The following TNN variants were observed in gnomAD, a reference collection of about 807,000 sequenced individuals.
TNN encodes the protein tenascin-N.
Under a neutral mutation model 134.4 loss-of-function variants are expected in TNN, and 122 were observed. That is an observed-to-expected ratio of 0.91 (90% confidence interval 0.78 to 1.06). The LOEUF is 1.06. TNN is among the 50% of genes least tolerant of loss of function. The pLI, the probability that TNN is intolerant of heterozygous loss-of-function variation, is 0.00. For synonymous variants in TNN, 710 were observed against 670.3 expected, an observed-to-expected ratio of 1.06 and a Z score of -0.91; for missense variants, 1,739 against 1,699.4, an observed-to-expected ratio of 1.02 and a Z score of -0.41.
At chr1:175,081,417 T>G (rs1256299835) in intron 4 of TNN, among the ~76,000 whole-genome samples, 2 of 152,230 alleles carry the variant, frequency 1.3e-5, no homozygotes, top group East Asian at 3.9e-4. Flanking sequence ...TGTCAGGCAC[T>G]GTTCTCGGTG....
At chr1:175,130,559 C>T (rs1675651645) in intron 15 of TNN, among the ~76,000 whole-genome samples, 1 of 152,160 alleles carries the variant, frequency 6.6e-6, no homozygotes, top group African/African-American at 2.4e-5. Context: ...TGACTTTTGG[C>T]AGGACGTTTG....
Position 175,098,549 on chromosome 1 carries a change from G to C in TNN, c.2073G>C (p.Gln691His), listed in dbSNP as rs989120933. 31 of 1,614,074 alleles carry C rather than the reference G, an allele frequency of 1.9e-5. No individual in the cohort carries two copies. The highest frequency in any genetic ancestry group is 2.5e-5 in the Non-Finnish European group (29 of 1,180,044). The change falls in exon 9 of 19, where the codon CAG (glutamine) becomes CAC (histidine). Residue 691 changes from glutamine to histidine, a missense_variant. Transcript: ENST00000239462. The part of the protein sequence containing the change: ...GMEYMVHVWA[Q>H]KGDQESKKAD... ...AGTACATGGTGCACGTGTGGGCCCA[G>C]AAGGGGGACCAGGAGAGCAAGAAGG...
chr1:175,123,649 C>A lies in TNN; in HGVS notation c.2900C>A (p.Thr967Asn). The change falls in exon 12 of 19, where the codon ACC becomes AAC. Residue 967 changes from threonine to asparagine, a missense_variant. Physicochemically the swap from Thr to Asn is moderately conservative, Grantham distance 65. Transcript: ENST00000239462. The stretch of plus-strand genomic sequence containing the variant: ...GCCCAGGAGAGCAAGAAGGCTGACA[C>A]CAAGGCCCAGACAGGTACTGAGAGG... ...KGAQESKKAD[T>N]KAQTELDPPR... 6.2e-7 allele frequency: 1 copy of A among 1,614,206 alleles called. No homozygotes were observed. Among genetic ancestry groups the A allele is most frequent in the Non-Finnish European group, 8.5e-7 (1 of 1,180,042 alleles).
intron 11 of TNN, among the ~76,000 whole-genome samples, chr1:175,122,207 T>A (rs1209110208): frequency 1.6e-5 from 2 of 126,630 alleles, no homozygotes; most frequent in Non-Finnish European, 3.3e-5. Flanking sequence ...CCTGGTGAAA[T>A]CCTGTCTTTA....
At chr1:175,129,740 T>C (rs1017360673) in intron 15 of TNN, among the ~76,000 whole-genome samples, 9 of 152,060 alleles carry the variant, frequency 5.9e-5, no homozygotes, top group Middle Eastern at 3.4e-3. Flanking sequence ...ATTTCAAAAC[T>C]CCAGCCTCCT....
At chr1:175,120,136 G>A (rs537763286) in intron 11 of TNN, among the ~76,000 whole-genome samples, 1 of 152,324 alleles carries the variant, frequency 6.6e-6, no homozygotes, top group African/African-American at 2.4e-5. Flanking sequence ...TGGGTGGCTG[G>A]AGCCCTGTTT....
At chr1:175,095,869 C>G (rs530805460) in intron 7 of TNN, among the ~76,000 whole-genome samples, 23 of 152,366 alleles carry the variant, frequency 1.5e-4, no homozygotes, top group Non-Finnish European at 2.6e-4. Flanking sequence ...GCCACCACGC[C>G]CGGCCCATTT....
chr1:175,093,260 C>T (rs1674494397), intron 6 of TNN, among the ~76,000 whole-genome samples: 1 of 152,168 alleles, frequency 6.6e-6, no homozygotes, highest in South Asian at 2.1e-4. Flanking sequence ...TTAGCAGGGA[C>T]ATGTGTCAAA....
intron 12 of TNN, among the ~76,000 whole-genome samples, chr1:175,126,685 G>T (rs908478910): frequency 6.6e-6 from 1 of 152,040 alleles, no homozygotes; most frequent in African/African-American, 2.4e-5. Flanking sequence ...CCACCACTTT[G>T]TGGGAACCTG....
intron 1 of TNN, among the ~76,000 whole-genome samples, chr1:175,076,770 A>G (rs1674049715): frequency 6.6e-6 from 1 of 152,146 alleles, no homozygotes; most frequent in South Asian, 2.1e-4. Context: ...GGGGATGAGC[A>G]TGGACTCTGG....
At chr1:175,139,810 G>A (rs1425927643) in intron 17 of TNN, among the ~76,000 whole-genome samples, 1 of 152,210 alleles carries the variant, frequency 6.6e-6, no homozygotes, top group Non-Finnish European at 1.5e-5. Flanking sequence ...TGATGCATTG[G>A]TCTGCAACCT....
chr1:175,129,204 G>A (rs1039494708), intron 15 of TNN, among the ~76,000 whole-genome samples: 7 of 152,138 alleles, frequency 4.6e-5, no homozygotes, highest in Non-Finnish European at 5.9e-5. Flanking sequence ...TATATTTTGC[G>A]AGAATCAATA....
At chr1:175,079,777 AC>A in intron 3 of TNN, 70 bp downstream of exon 3, 1 of 1,491,156 alleles carries the variant, frequency 6.7e-7, no homozygotes, top group South Asian at 1.4e-5. Flanking sequence ...CCTCAATTAC[AC>A]GTTGTCATCT....
chr1:175,146,865 C>A, intron 18 of TNN, 66 bp from the exon 19 acceptor site: 1 of 1,415,986 alleles, frequency 7.1e-7, no homozygotes, highest in Non-Finnish European at 9.4e-7. Context: ...TCCTTTGTAC[C>A]ATAACCCACC....
Position 175,085,780 on chromosome 1 carries a change from A to G in TNN, c.1324+286A>G, listed in dbSNP as rs575432244. Among the ~76,000 whole-genome samples, 60 of 151,614 alleles carry G rather than the reference A, an allele frequency of 4.0e-4. 1 individual carries two copies. Among genetic ancestry groups the G allele is most frequent in the Non-Finnish European group, 5.9e-4 (40 of 67,954 alleles). On this transcript the variant is annotated intron_variant, in intron 6 of 18. Transcript: ENST00000239462. The stretch of plus-strand genomic sequence containing the variant: ...TCCCAGCTACTCGGGAGACTGAGGC[A>G]AGAGAATTGCTTGAGCCCGGGAGGT...
rs143232303 is a variant in TNN, at chr1:175,125,795, C to CTCCT, written c.2915-1148_2915-1145dup. ...TCCCTTTCTCTCTTCTTTTCTCTCT[C>CTCCT]TCCTTCCTTCCTTCCCTCCCTCCCT... On this transcript the variant is annotated intron_variant, in intron 12 of 18. Coordinates refer to ENST00000239462, the MANE Select transcript of TNN (RefSeq NM_022093.2). 2.5e-4 allele frequency among the ~76,000 whole-genome samples: 30 copies of CTCCT among 118,060 alleles called. 2 individuals carry two copies. Among genetic ancestry groups the CTCCT allele is most frequent in the African/African-American group, 8.9e-4 (29 of 32,480 alleles). The allele number at this position is 118,060 out of a possible 152,430, so 77.5% of individuals were successfully genotyped here.
At position 175,123,559 on chromosome 1, in the gene TNN, G is replaced by C; in HGVS notation, c.2810G>C (p.Ser937Thr). ...GTTCCGGTGGGGAAGGAGCACAGCA[G>C]CACTGTCCTGACGGGCCTGAGACCA... ...REVPVGKEHS[S>T]TVLTGLRPGM... The change falls in exon 12 of 19, where the codon AGC (serine) becomes ACC (threonine). Residue 937 changes from serine (S) to threonine (T), a missense_variant. Ser to Thr is a moderately conservative substitution (Grantham distance 58, BLOSUM62 1). Transcript: ENST00000239462. 6.2e-7 allele frequency: 1 copy of C among 1,614,056 alleles called. No homozygotes were observed. Among genetic ancestry groups the C allele is most frequent in the Non-Finnish European group, 8.5e-7 (1 of 1,179,926 alleles).
At chr1:175,139,580 C>T (rs138475965) in intron 17 of TNN, among the ~76,000 whole-genome samples, 270 of 150,164 alleles carry the variant, frequency 1.8e-3, no homozygotes, top group African/African-American at 6.1e-3. Flanking sequence ...TTCTTGAATA[C>T]GTCCCAAAGG....
At chr1:175,107,400 C>T (rs1260547096) in intron 9 of TNN, among the ~76,000 whole-genome samples, 1 of 143,734 alleles carries the variant, frequency 7.0e-6, no homozygotes, top group East Asian at 2.4e-4. Flanking sequence ...CGTGGTCTCG[C>T]TGGCTCAGGA....
Sources: gnomAD v4.1 joint callset for allele counts (sites outside exome capture counted in the v4.1 genomes callset) on GRCh38, gnomAD v4.1.1 for gene constraint, MANE v1.5 for transcripts, NCBI Gene and HGNC (gene_info 2026-07-23, HGNC 2026-07-21) for gene names.